TRHDE: variants seen among roughly 807,000 people sequenced by gnomAD.
TRHDE encodes thyrotropin-releasing hormone-degrading ectoenzyme.
Under a neutral mutation model 125.7 loss-of-function variants are expected in TRHDE, and 72 were observed. The observed-to-expected ratio is 0.57, with a 90% confidence interval of 0.47 to 0.70. The LOEUF (loss-of-function observed/expected upper bound fraction) is 0.70, where lower values mean the gene tolerates loss of function less well. Among genes scored for constraint, TRHDE ranks in the 30% least tolerant of loss-of-function variants. The pLI, the probability that TRHDE is intolerant of heterozygous loss-of-function variation, is 0.00. For missense variants in TRHDE, 1,110 were observed against 1,327.1 expected (o/e 0.84, Z 2.54); for synonymous variants, 509 against 509.1 (o/e 1.00, Z 0.00).
chr12:72,198,711 A>G (rs556945454), intron 2 of TRHDE, among the ~76,000 whole-genome samples: 49 of 152,328 alleles, frequency 3.2e-4, no homozygotes, highest in African/African-American at 1.1e-3. Context: ...TGTAAAATGG[A>G]AAGATTGCAG....
intron 2 of TRHDE, among the ~76,000 whole-genome samples, chr12:72,199,278 T>TA (rs956870820): frequency 9.3e-5 from 14 of 151,140 alleles, no homozygotes; most frequent in South Asian, 4.2e-4. Flanking sequence ...TGTCAGAGCT[T>TA]AAAAAAAAAC....
chr12:72,422,363 T>C (rs1285287414), intron 3 of TRHDE, among the ~76,000 whole-genome samples: 2 of 152,214 alleles, frequency 1.3e-5, no homozygotes, highest in African/African-American at 2.4e-5. Flanking sequence ...CCTTCAAGTC[T>C]ATATTCATTA....
intron 9 of TRHDE, among the ~76,000 whole-genome samples, chr12:72,563,900 T>C (rs1870306486): frequency 6.6e-6 from 1 of 152,084 alleles, no homozygotes; most frequent in Non-Finnish European, 1.5e-5. Context: ...CTGTCTCCCA[T>C]TACCTTGGAA....
At chr12:72,118,019 G>A (rs1278659692) in intron 2 of TRHDE, among the ~76,000 whole-genome samples, 2 of 151,642 alleles carry the variant, frequency 1.3e-5, no homozygotes, top group Non-Finnish European at 2.9e-5. Flanking sequence ...ATCTGTAAAC[G>A]AGGATAATTG....
rs945419230 is a variant in TRHDE, at chr12:72,664,963, T to A, written c.*1768T>A. 5.9e-5 allele frequency: 9 copies of A among 152,088 alleles called. No individual in the cohort carries two copies. Among genetic ancestry groups the A allele is most frequent in the Admixed American group, 2.6e-4 (4 of 15,234 alleles). The allele number at this position is 152,088 out of a possible 1,614,324, so 9.4% of individuals were successfully genotyped here. On this transcript the variant is annotated 3_prime_UTR_variant, in exon 19 of 19. Coordinates refer to ENST00000261180, the MANE Select transcript of TRHDE (RefSeq NM_013381.3). ...TAAAATACATGAATTTTAAATATTT[T>A]ACATGATGTGAATAGGCATGATAAT...
intron 7 of TRHDE, among the ~76,000 whole-genome samples, chr12:72,554,211 A>G (rs1341944289): frequency 1.3e-5 from 2 of 152,098 alleles, no homozygotes; most frequent in Non-Finnish European, 2.9e-5. Context: ...GGGAAGATTG[A>G]AGAAGACTTT....
At chr12:72,356,341 A>G (rs1257046031) in intron 2 of TRHDE, among the ~76,000 whole-genome samples, 2 of 151,580 alleles carry the variant, frequency 1.3e-5, no homozygotes, top group South Asian at 2.1e-4. Flanking sequence ...GTAAGAACAC[A>G]TGGACACAGA....
At chr12:72,278,200 C>A (rs1176597378) in intron 1 of TRHDE, among the ~76,000 whole-genome samples, 1 of 152,064 alleles carries the variant, frequency 6.6e-6, no homozygotes, top group Non-Finnish European at 1.5e-5. Flanking sequence ...CAATATTTGT[C>A]TTTTTGTGCC....
intron 6 of TRHDE, among the ~76,000 whole-genome samples, chr12:72,523,736 A>C (rs1445343452): frequency 6.6e-6 from 1 of 152,056 alleles, no homozygotes; most frequent in Non-Finnish European, 1.5e-5. Context: ...TGCTGAATAC[A>C]CTCTAATAAG....
At chr12:72,495,188 T>G (rs1047566521) in intron 5 of TRHDE, among the ~76,000 whole-genome samples, 1 of 151,478 alleles carries the variant, frequency 6.6e-6, no homozygotes, top group Non-Finnish European at 1.5e-5. Flanking sequence ...TTGGTTGAAT[T>G]TTTTTCATTC....
At chr12:72,292,280 G>C (rs2139435577) in intron 2 of TRHDE, among the ~76,000 whole-genome samples, 1 of 152,264 alleles carries the variant, frequency 6.6e-6, no homozygotes, top group Non-Finnish European at 1.5e-5. Flanking sequence ...TCCTGACAGT[G>C]ACCTGAATTT....
chr12:72,631,205 T>C (rs1043845637), intron 15 of TRHDE, among the ~76,000 whole-genome samples: 3 of 151,714 alleles, frequency 2.0e-5, no homozygotes, highest in Admixed American at 6.6e-5. Context: ...CATGTATATA[T>C]GCATGTATAC....
rs995720614 is a variant in TRHDE at position 72,669,428 on chromosome 12, A to C, written c.*6233A>C. The C allele has an allele frequency of 5.9e-5, 9 of 151,838 alleles. No homozygotes were observed. The highest frequency in any genetic ancestry group is 1.2e-4 in the Non-Finnish European group (8 of 67,862). 9.4% of individuals were successfully genotyped at this position (151,838 alleles called of 1,614,324 possible). On this transcript the variant is annotated 3_prime_UTR_variant, in exon 19 of 19. Coordinates refer to ENST00000261180, the MANE Select transcript of TRHDE (RefSeq NM_013381.3). ...TGCAGAGGTCAACTTATTTCTCATC[A>C]CACACATTTTTCTTATGTCATATAA...
At chr12:72,289,007 T>C (rs945666049) in intron 2 of TRHDE, among the ~76,000 whole-genome samples, 4 of 152,156 alleles carry the variant, frequency 2.6e-5, no homozygotes, top group Non-Finnish European at 4.4e-5. Flanking sequence ...AAATATAGTT[T>C]AGAACTTGAC....
intron 2 of TRHDE, among the ~76,000 whole-genome samples, chr12:72,318,866 C>CAG (rs1565696741): frequency 3.9e-5 from 6 of 152,044 alleles, no homozygotes; most frequent in Non-Finnish European, 8.8e-5. Flanking sequence ...GTAATGGTTA[C>CAG]TCTATCGGAC....
chr12:72,632,699 G>A (rs1429134840), intron 15 of TRHDE, among the ~76,000 whole-genome samples: 1 of 149,978 alleles, frequency 6.7e-6, no homozygotes, highest in Admixed American at 6.7e-5. Context: ...CCAGCATTTA[G>A]GCTTTTCAGT....
intron 6 of TRHDE, among the ~76,000 whole-genome samples, chr12:72,507,941 G>A (rs1878425805): frequency 6.6e-6 from 1 of 152,232 alleles, no homozygotes; most frequent in Admixed American, 6.5e-5. Flanking sequence ...AAGGGGCCAA[G>A]GTATAGCTTG....
chr12:72,478,846 G>A (rs1472824789), intron 5 of TRHDE, among the ~76,000 whole-genome samples: 2 of 137,618 alleles, frequency 1.5e-5, no homozygotes, highest in South Asian at 4.8e-4. Context: ...AATTCAAAAA[G>A]AATGTCAGAG....
chr12:72,421,379 G>A (rs568965555), intron 3 of TRHDE, among the ~76,000 whole-genome samples: 3 of 152,256 alleles, frequency 2.0e-5, no homozygotes, highest in African/African-American at 7.2e-5. Flanking sequence ...GAGCTCAGCT[G>A]TGGCTGATGA....
Sources: gnomAD v4.1 joint callset for allele counts (sites outside exome capture counted in the v4.1 genomes callset) on GRCh38, gnomAD v4.1.1 for gene constraint, MANE v1.5 for transcripts, NCBI Gene and HGNC (gene_info 2026-07-23, HGNC 2026-07-21) for gene names.